GON4L: variants seen among roughly 807,000 people sequenced by gnomAD.
GON4L encodes the protein gon-4 like, also known as GON-4-like protein.
Under a neutral mutation model 211.8 loss-of-function variants are expected in GON4L, and 87 were observed. That is an observed-to-expected ratio of 0.41 (90% confidence interval 0.35 to 0.49). The LOEUF (loss-of-function observed/expected upper bound fraction) is 0.49. GON4L is among the 20% of genes least tolerant of loss of function. The probability of loss-of-function intolerance (pLI) is 0.15; values close to 1 mark genes in which losing one functional copy is unlikely to be tolerated. For missense variants in GON4L, 2,155 were observed against 2,659.5 expected, an observed-to-expected ratio of 0.81 and a Z score of 4.17; for synonymous variants, 875 against 962.6, an observed-to-expected ratio of 0.91 and a Z score of 1.68.
chr1:155,761,175 GTTTTTTTT>G (rs921323729), intron 23 of GON4L, among the ~76,000 whole-genome samples: 2 of 109,540 alleles, frequency 1.8e-5, no homozygotes, highest in Non-Finnish European at 3.6e-5. Flanking sequence ...CTTATGTGTG[GTTTTTTTT>G]TTTTTTTTTT....
intron 3 of GON4L, among the ~76,000 whole-genome samples, chr1:155,825,811 G>A (rs1669152328): frequency 6.6e-6 from 1 of 152,002 alleles, no homozygotes; most frequent in Admixed American, 6.6e-5. Context: ...GGAAAGCCAA[G>A]GCAGGCAGAT....
intron 31 of GON4L, 46 bp from the exon 32 acceptor site, chr1:155,750,779 T>A: frequency 1.3e-6 from 2 of 1,541,636 alleles, no homozygotes; most frequent in Non-Finnish European, 1.8e-6. Flanking sequence ...TTTTTTTGTT[T>A]TTGAGACGGA....
intron 21 of GON4L, chr1:155,764,791 T>C (rs1662256504): frequency 3.1e-6 from 4 of 1,299,898 alleles, no homozygotes; most frequent in Non-Finnish European, 4.4e-6. Context: ...CAATTTAATG[T>C]GTAAACGAGT....
chr1:155,780,873 T>A (rs915108593), intron 14 of GON4L, among the ~76,000 whole-genome samples: 4 of 152,130 alleles, frequency 2.6e-5, no homozygotes, highest in Non-Finnish European at 4.4e-5. Flanking sequence ...AATAGATAAA[T>A]AAGTGTTTTC....
intron 6 of GON4L, among the ~76,000 whole-genome samples, chr1:155,819,060 C>A (rs1179272095): frequency 6.6e-6 from 1 of 152,034 alleles, no homozygotes; most frequent in Non-Finnish European, 1.5e-5. Flanking sequence ...GAGGCCAAGG[C>A]GGGCAGATGA....
intron 2 of GON4L, among the ~76,000 whole-genome samples, chr1:155,837,593 A>G (rs73001099): frequency 6.6e-6 from 1 of 151,780 alleles, no homozygotes; most frequent in African/African-American, 2.4e-5. Flanking sequence ...TCATCCATCA[A>G]TGAGTGTTCT....
At chr1:155,787,949 CAAAACA>C (rs1355324484) in intron 12 of GON4L, among the ~76,000 whole-genome samples, 11 of 152,060 alleles carry the variant, frequency 7.2e-5, no homozygotes, top group Admixed American at 7.2e-4. Flanking sequence ...GTCTCAAACA[CAAAACA>C]AAAACAAAAA....
chr1:155,843,604 C>T (rs760009997), intron 2 of GON4L, among the ~76,000 whole-genome samples: 1 of 152,110 alleles, frequency 6.6e-6, no homozygotes, highest in Non-Finnish European at 1.5e-5. Flanking sequence ...CCCCACGATG[C>T]TCTGACCCAA....
Position 155,853,450 on chromosome 1 carries a change from A to C in GON4L, c.331T>G (p.Phe111Val). The C allele has an allele frequency of 6.2e-7, 1 of 1,614,072 alleles. No individual in the cohort carries two copies. The highest frequency in any genetic ancestry group is 8.5e-7 in the Non-Finnish European group (1 of 1,179,984). Residue 111 changes from phenylalanine to valine, a missense_variant, in exon 2 of 32, where the codon TTT (phenylalanine) becomes GTT (valine). Physicochemically the swap from Phe to Val is conservative, Grantham distance 50. Transcript: ENST00000368331. Reference protein sequence around the residue: ...QGITLPSLESFHPLNIHIGKG... With the variant: ...QGITLPSLESVHPLNIHIGKG... Reference sequence around the variant, plus strand: ...CCAATGTGTATATTAAGGGGGTGAAAAGACTCCAAGGAAGGTAGGGTGATT... The same window carrying C: ...CCAATGTGTATATTAAGGGGGTGAACAGACTCCAAGGAAGGTAGGGTGATT...
chr1:155,859,394 G>T, upstream of GON4L: 1 of 186,036 alleles, frequency 5.4e-6, no homozygotes, highest in South Asian at 8.8e-5. Flanking sequence ...AGTCCCCTCC[G>T]GGAGAGCTTC....
intron 2 of GON4L, among the ~76,000 whole-genome samples, chr1:155,842,769 G>A (rs528484359): frequency 3.9e-5 from 6 of 151,908 alleles, no homozygotes; most frequent in South Asian, 2.1e-4. Context: ...CCCGGGAGGC[G>A]GAGGTTGCAG....
intron 17 of GON4L, 165 bp from the exon 18 acceptor site, chr1:155,773,375 A>G (rs557902952): frequency 5.7e-6 from 4 of 695,664 alleles, no homozygotes; most frequent in Admixed American, 2.7e-5. Flanking sequence ...TTCTTAAGCT[A>G]ACATTATATC....
chr1:155,827,063 C>G, intron 2 of GON4L, 35 bp from the exon 3 acceptor site: 1 of 1,448,886 alleles, frequency 6.9e-7, no homozygotes. Flanking sequence ...CACACTTTGA[C>G]CATTCTCAGT....
intron 11 of GON4L, among the ~76,000 whole-genome samples, chr1:155,800,455 G>A (rs1666528187): frequency 6.6e-6 from 1 of 151,778 alleles, no homozygotes; most frequent in East Asian, 1.9e-4. Context: ...TACTTGGGAG[G>A]CTGAGACAGG....
At chr1:155,787,597 A>AC (rs1665092306) in intron 12 of GON4L, among the ~76,000 whole-genome samples, 1 of 151,924 alleles carries the variant, frequency 6.6e-6, no homozygotes, top group Non-Finnish European at 1.5e-5. Flanking sequence ...ACATGGTGAA[A>AC]CCCCGTCTCT....
intron 2 of GON4L, among the ~76,000 whole-genome samples, chr1:155,833,482 TA>T (rs1213376847): frequency 2.0e-5 from 3 of 150,630 alleles, no homozygotes; most frequent in Non-Finnish European, 4.4e-5. Context: ...CCATCTCTAC[TA>T]AAAATACAAA....
Position 155,816,264 on chromosome 1 carries a change from T to A in GON4L, c.1015-2A>T. 8.0e-7 allele frequency: 1 copy of A among 1,251,688 alleles called. No homozygotes were observed. The highest frequency in any genetic ancestry group is 1.2e-6 in the Non-Finnish European group (1 of 851,850). The allele number at this position is 1,251,688 out of a possible 1,614,324, so 77.5% of individuals were successfully genotyped here. A position where few individuals can be genotyped will look rare whatever the true frequency, so the allele number is the denominator to read the frequency against. On this transcript the variant is annotated splice_acceptor_variant, in intron 6 of 31. Transcript: ENST00000368331. LOFTEE classifies it high-confidence loss of function. ...TGAAATATTCCATGTTGGAATTACC[T>A]ACCAACAAAGAATATAAATAATTAA... is the stretch of plus-strand genomic sequence containing the variant.
chr1:155,781,283 CA>C (rs1294443078), intron 14 of GON4L, among the ~76,000 whole-genome samples: 5 of 151,812 alleles, frequency 3.3e-5, no homozygotes, highest in Non-Finnish European at 7.4e-5. Flanking sequence ...GCGGGGATTA[CA>C]GGCACCTGCC....
chr1:155,824,869 A>T lies in GON4L; in HGVS notation c.697+1968T>A, dbSNP rs73001088. On this transcript the variant is annotated intron_variant, in intron 3 of 31. Transcript: ENST00000368331. ...GAATGGATAAAGAAAACGTAAAGCA[A>T]ACCAGGTGAGGAGGCTCATGCCTGT... Among the ~76,000 whole-genome samples, 854 of 149,628 alleles carry T rather than the reference A, an allele frequency of 5.7e-3. 7 individuals are homozygous for T. Among genetic ancestry groups the T allele is most frequent in the African/African-American group, 0.02 (808 of 40,720 alleles).
Sources: allele counts gnomAD v4.1 joint callset (sites outside exome capture counted in the v4.1 genomes callset), GRCh38; gene constraint gnomAD v4.1.1; transcripts MANE v1.5; gene names NCBI Gene and HGNC (gene_info 2026-07-23, HGNC 2026-07-21).